Variants in ARHGAP24 observed in about 807,000 individuals in gnomAD.
ARHGAP24 encodes rho GTPase-activating protein 24.
In ARHGAP24, 50 loss-of-function variants were observed where a neutral mutation model predicts 76.4. The observed-to-expected ratio is 0.65, with a 90% CI of 0.52 to 0.83. The LOEUF (loss-of-function observed/expected upper bound fraction) is 0.83. Among genes scored for constraint, ARHGAP24 ranks in the 40% least tolerant of loss-of-function variants. ARHGAP24 has a pLI of 0.00. For synonymous variants in ARHGAP24, 345 were observed against 323.3 expected (o/e 1.07, Z -0.72); for missense variants, 930 against 914.2 (o/e 1.02, Z -0.22).
chr4:85,721,346 G>C (rs892585950), intron 2 of ARHGAP24, among the ~76,000 whole-genome samples: 1 of 148,950 alleles, frequency 6.7e-6, no homozygotes, highest in African/African-American at 2.5e-5. Context: ...AGCGAGCCAA[G>C]ATCATGCCAT....
intron 3 of ARHGAP24, among the ~76,000 whole-genome samples, chr4:85,758,063 G>A (rs552451356): frequency 6.6e-6 from 1 of 151,348 alleles, no homozygotes; most frequent in Admixed American, 6.6e-5. Context: ...GAAGAAGGGG[G>A]AAAAAAAAGC....
chr4:85,754,854 C>T (rs1194035255), intron 3 of ARHGAP24, among the ~76,000 whole-genome samples: 1 of 152,194 alleles, frequency 6.6e-6, no homozygotes, highest in Non-Finnish European at 1.5e-5. Flanking sequence ...GAGCAAGTCC[C>T]TTAATTTTTT....
At chr4:85,711,519 A>G (rs999746799) in intron 2 of ARHGAP24, among the ~76,000 whole-genome samples, 2 of 152,206 alleles carry the variant, frequency 1.3e-5, no homozygotes, top group African/African-American at 4.8e-5. Flanking sequence ...TTAAAAGTTT[A>G]CATCAAATTG....
intron 3 of ARHGAP24, among the ~76,000 whole-genome samples, chr4:85,809,360 C>A (rs974315573): frequency 1.7e-4 from 26 of 151,968 alleles, no homozygotes; most frequent in African/African-American, 6.3e-4. Flanking sequence ...AATATACATA[C>A]CCATCTGGTT....
At chr4:85,704,584 G>A (rs1338218478) in intron 2 of ARHGAP24, among the ~76,000 whole-genome samples, 3 of 152,294 alleles carry the variant, frequency 2.0e-5, no homozygotes, top group Admixed American at 1.3e-4. Flanking sequence ...ATAAGACGAT[G>A]TGCTGTGACC....
rs1314423373 is a variant in ARHGAP24 at position 85,736,153 on chromosome 4, T to C, written c.268+14181T>C. Among the ~76,000 whole-genome samples the C allele has an allele frequency of 2.6e-5, 4 of 152,180 alleles. No homozygotes were observed. The East Asian group carries it at 7.7e-4, about 29-fold the overall frequency. On this transcript the variant is annotated intron_variant, in intron 3 of 9. Transcript: ENST00000395184. Reference sequence around the variant, plus strand: ...AAATGGTATGTCAATTGCTGCTTCTTTAGAAAAGAAACTCAATCCTCCCTC... The same window carrying C: ...AAATGGTATGTCAATTGCTGCTTCTCTAGAAAAGAAACTCAATCCTCCCTC...
intron 3 of ARHGAP24, among the ~76,000 whole-genome samples, chr4:85,900,501 A>T (rs1734433653): frequency 6.6e-6 from 1 of 151,396 alleles, no homozygotes; most frequent in African/African-American, 2.4e-5. Flanking sequence ...CCCAGGCTGG[A>T]GTGCAATGGC....
chr4:85,838,786 C>G (rs562294670), intron 3 of ARHGAP24, among the ~76,000 whole-genome samples: 4 of 152,116 alleles, frequency 2.6e-5, no homozygotes, highest in African/African-American at 9.7e-5. Flanking sequence ...TTCCCTCCCC[C>G]ACTAAGTCCA....
intron 3 of ARHGAP24, among the ~76,000 whole-genome samples, chr4:85,726,180 G>A (rs915024932): frequency 2.0e-5 from 3 of 151,786 alleles, no homozygotes; most frequent in East Asian, 1.9e-4. Context: ...AAGTGGCTAG[G>A]TGCAATTTCC....
At chr4:85,992,151 C>T (rs893232838) in intron 8 of ARHGAP24, 7 of 397,560 alleles carry the variant, frequency 1.8e-5, no homozygotes, top group African/African-American at 1.4e-4. Context: ...GCTTCATGTT[C>T]CTCATTGGCA....
chr4:85,994,820 A>G lies in ARHGAP24; in HGVS notation c.1166A>G (p.Asn389Ser), dbSNP rs1022854050. ...TCACCCCAGAGAAGCAGCATGAACA[A>G]TGGATCCCCCACAGCTCTATCAGGC... is the stretch of plus-strand genomic sequence containing the variant. ...SESPQRSSMN[N>S]GSPTALSGSK... The change falls in exon 9 of 10, where the codon AAT becomes AGT. Residue 389 changes from asparagine (N) to serine (S), a missense_variant. Physicochemically the swap from Asn to Ser is conservative, Grantham distance 46. Transcript: ENST00000395184. The G allele has an allele frequency of 6.2e-7, 1 of 1,614,192 alleles. No homozygotes were observed. Among genetic ancestry groups the G allele is most frequent in the South Asian group, 1.1e-5 (1 of 91,086 alleles).
chr4:85,539,942 G>T (rs568007888), intron 1 of ARHGAP24, among the ~76,000 whole-genome samples: 1 of 152,250 alleles, frequency 6.6e-6, no homozygotes, highest in East Asian at 1.9e-4. Context: ...CAACTTGGGA[G>T]GCTGAGGCAG....
chr4:85,679,056 C>T (rs1333272867), intron 2 of ARHGAP24, among the ~76,000 whole-genome samples: 1 of 152,136 alleles, frequency 6.6e-6, no homozygotes, highest in Non-Finnish European at 1.5e-5. Context: ...AGATGGTTGA[C>T]ACTTTTATAC....
At chr4:85,599,964 T>C (rs1560547508) in intron 2 of ARHGAP24, among the ~76,000 whole-genome samples, 1 of 152,174 alleles carries the variant, frequency 6.6e-6, no homozygotes, top group Non-Finnish European at 1.5e-5. Context: ...GGTTTGAGCC[T>C]CATAGAGCTA....
chr4:85,914,041 C>T (rs7684201), intron 3 of ARHGAP24, among the ~76,000 whole-genome samples: 98,080 of 152,058 alleles, frequency 0.65, 32,397 homozygotes, highest in East Asian at 0.99. Flanking sequence ...ATGGTATCTT[C>T]AATACATGAA....
Position 85,564,402 on chromosome 4 carries a change from G to GA in ARHGAP24, c.-20-6120_-20-6119insA, listed in dbSNP as rs1446190060. Among the ~76,000 whole-genome samples, 26 of 145,066 alleles carry GA rather than the reference G, an allele frequency of 1.8e-4. 2 individuals carry two copies. The highest frequency in any genetic ancestry group is 1.7e-3 in the Admixed American group (26 of 14,966). On this transcript the variant is annotated intron_variant, in intron 1 of 9. Coordinates refer to ENST00000395184, the MANE Select transcript of ARHGAP24 (RefSeq NM_001025616.3). Reference sequence around the variant, plus strand: ...ACACCGGGGCCTGTTGTGGGGTGGGGGGAGCGGGGGGGATAGCATTAGGAG... The same window carrying GA: ...ACACCGGGGCCTGTTGTGGGGTGGGGAGGAGCGGGGGGGATAGCATTAGGAG...
At chr4:85,841,904 C>T (rs1332935006) in intron 3 of ARHGAP24, among the ~76,000 whole-genome samples, 2 of 152,108 alleles carry the variant, frequency 1.3e-5, no homozygotes, top group Non-Finnish European at 2.9e-5. Context: ...ATGTACCAGC[C>T]ACTGGTTGTA....
At chr4:85,540,465 G>A (rs1041350072) in intron 1 of ARHGAP24, among the ~76,000 whole-genome samples, 3 of 152,144 alleles carry the variant, frequency 2.0e-5, no homozygotes, top group African/African-American at 7.2e-5. Flanking sequence ...GATGATACCA[G>A]TCTAGAAGTT....
chr4:85,564,469 C>T (rs1254288738), intron 1 of ARHGAP24, among the ~76,000 whole-genome samples: 5 of 150,552 alleles, frequency 3.3e-5, no homozygotes, highest in Non-Finnish European at 4.4e-5. Flanking sequence ...TGCAGCACAC[C>T]AACATGGCAC....
Sources: gnomAD v4.1 joint callset for allele counts (sites outside exome capture counted in the v4.1 genomes callset) on GRCh38, gnomAD v4.1.1 for gene constraint, MANE v1.5 for transcripts, NCBI Gene and HGNC (gene_info 2026-07-23, HGNC 2026-07-21) for gene names.